Variants in ADCYAP1R1 observed in about 807,000 individuals in gnomAD.
ADCYAP1R1 encodes ADCYAP receptor type I, also known as pituitary adenylate cyclase-activating polypeptide type I receptor.
In ADCYAP1R1, 44 loss-of-function variants were observed where a neutral mutation model predicts 67.6. That is an observed-to-expected ratio of 0.65 (90% CI 0.51 to 0.84). ADCYAP1R1 has a LOEUF of 0.84. Ranked by LOEUF, ADCYAP1R1 falls within the 40% of genes least tolerant of loss-of-function variation. The probability of loss-of-function intolerance (pLI) is 0.00; values close to 1 mark genes in which losing one functional copy is unlikely to be tolerated. For synonymous variants in ADCYAP1R1, 222 were observed against 219.6 expected (o/e 1.01, Z -0.10); for missense variants, 477 against 587.9 (o/e 0.81, Z 1.95).
At chr7:31,101,433 G>A (rs374977604) in intron 13 of ADCYAP1R1, among the ~76,000 whole-genome samples, 15 of 152,158 alleles carry the variant, frequency 9.9e-5, no homozygotes, top group African/African-American at 3.6e-4. Flanking sequence ...AGGAAGGCAG[G>A]GGCCACAGGC....
chr7:31,064,092 C>G (rs1404971274), intron 2 of ADCYAP1R1, among the ~76,000 whole-genome samples: 1 of 152,206 alleles, frequency 6.6e-6, no homozygotes, highest in East Asian at 1.9e-4. Context: ...GAACTTGAAG[C>G]CCATATCTGC....
rs754277439 is a variant in ADCYAP1R1, at chr7:31,106,639, C to G, written c.1362C>G (p.Ser454=). Residue 454 remains serine (S), a synonymous_variant, in exon 16 of 16, where the codon TCC becomes TCG. Transcript: ENST00000304166. The stretch of plus-strand genomic sequence containing the variant: ...TCTCCATCCTGAGCAAGAGCAGCTC[C>G]CAAATCCGCATGTCTGGCCTCCCTG... ...TQLSILSKSS[S]QIRMSGLPAD... The G allele has an allele frequency of 6.4e-5, 103 of 1,613,116 alleles. No individual in the cohort carries two copies. Among genetic ancestry groups the G allele is most frequent in the Non-Finnish European group, 8.6e-5 (101 of 1,179,464 alleles).
rs201161759 is a variant in ADCYAP1R1 at position 31,084,763 on chromosome 7, C to T, written c.465C>T (p.Ala155=). 58 of 1,614,064 alleles carry T rather than the reference C, an allele frequency of 3.6e-5. No individual in the cohort carries two copies. In the East Asian group the frequency reaches 8.2e-4, roughly 23 times the overall value. ...ATTATTACTACCTGTCAGTGAAGGC[C>T]CTCTACACGGTTGGCTACAGCACAT... is the stretch of plus-strand genomic sequence containing the variant. ...DQDYYYLSVK[A]LYTVGYSTSL... is the part of the protein sequence containing the mutation. Residue 155 remains alanine (A), a synonymous_variant, in exon 8 of 16, where the codon GCC becomes GCT. Coordinates refer to ENST00000304166, the MANE Select transcript of ADCYAP1R1 (RefSeq NM_001118.5).
intron 3 of ADCYAP1R1, among the ~76,000 whole-genome samples, chr7:31,076,607 A>G (rs1392734487): frequency 6.6e-6 from 1 of 152,128 alleles, no homozygotes; most frequent in Non-Finnish European, 1.5e-5. Context: ...GGGCCTCTGC[A>G]GCAATCCCGG....
chr7:31,083,197 G>T (rs758867156), intron 6 of ADCYAP1R1, among the ~76,000 whole-genome samples: 1 of 152,240 alleles, frequency 6.6e-6, no homozygotes, highest in Non-Finnish European at 1.5e-5. Context: ...AGTGTCAGGC[G>T]GGGGCCACAC....
chr7:31,070,529 G>A (rs138863066), intron 3 of ADCYAP1R1, among the ~76,000 whole-genome samples: 185 of 152,312 alleles, frequency 1.2e-3, no homozygotes, highest in African/African-American at 3.5e-3. Context: ...CAAGAGGAAG[G>A]AAGCACATCA....
chr7:31,086,919 G>A lies in ADCYAP1R1; in HGVS notation c.824-24G>A. The A allele has an allele frequency of 6.2e-7, 1 of 1,613,808 alleles. No individual in the cohort carries two copies. Among genetic ancestry groups the A allele is most frequent in the East Asian group, 2.2e-5 (1 of 44,872 alleles). ...ACATGTTGGTTTTCCTGTTCTCACGGACCTCTTTTTCTTGTTCTCCCAGGG... is the reference window on the plus strand; with the variant it reads ...ACATGTTGGTTTTCCTGTTCTCACGAACCTCTTTTTCTTGTTCTCCCAGGG... On this transcript the variant is annotated intron_variant, in intron 10 of 15. Coordinates refer to ENST00000304166, the MANE Select transcript of ADCYAP1R1 (RefSeq NM_001118.5). The surrounding 1 kb of genome is among the most constrained non-coding windows in gnomAD (Gnocchi z 5.0).
At chr7:31,056,788 C>A (rs1032168006) in intron 1 of ADCYAP1R1, 20 of 152,284 alleles carry the variant, frequency 1.3e-4, no homozygotes, top group African/African-American at 1.4e-4. Flanking sequence ...CATTGCCCCA[C>A]CCCTGTCTGG....
intron 4 of ADCYAP1R1, 80 bp from the exon 5 acceptor site, chr7:31,080,533 C>A (rs1490486717): frequency 6.9e-7 from 1 of 1,446,244 alleles, no homozygotes; most frequent in Admixed American, 1.8e-5. Flanking sequence ...TCAGCAAGAC[C>A]CAAGGAGAGC....
chr7:31,053,332 G>A (rs1355611893), intron 1 of ADCYAP1R1, among the ~76,000 whole-genome samples: 1 of 152,256 alleles, frequency 6.6e-6, no homozygotes, highest in East Asian at 1.9e-4. Context: ...CAGAAGAAAC[G>A]CCCTGCGGGG....
At chr7:31,105,601 A>G (rs767800470) in intron 15 of ADCYAP1R1, among the ~76,000 whole-genome samples, 13 of 152,200 alleles carry the variant, frequency 8.5e-5, no homozygotes, top group Non-Finnish European at 1.6e-4. Flanking sequence ...TCTTTGCACC[A>G]GTGCTTGGGT....
chr7:31,079,766 C>T (rs1025302298), intron 4 of ADCYAP1R1, among the ~76,000 whole-genome samples: 7 of 152,134 alleles, frequency 4.6e-5, no homozygotes, highest in African/African-American at 1.4e-4. Context: ...GACCACCGGC[C>T]GGCCCGGGAG....
At chr7:31,081,624 G>A in intron 5 of ADCYAP1R1, 89 bp from the exon 6 acceptor site, 1 of 1,064,300 alleles carries the variant, frequency 9.4e-7, no homozygotes, top group Non-Finnish European at 1.4e-6. Context: ...TGTAGACCAG[G>A]GGTAGCCTGA....
chr7:31,098,523 G>A (rs1232386641), intron 13 of ADCYAP1R1, among the ~76,000 whole-genome samples: 1 of 152,136 alleles, frequency 6.6e-6, no homozygotes, highest in African/African-American at 2.4e-5. Flanking sequence ...AAGCTCTCAG[G>A]TGGTGTTGGT....
chr7:31,067,886 A>G (rs1464214601), intron 3 of ADCYAP1R1, among the ~76,000 whole-genome samples: 2 of 152,248 alleles, frequency 1.3e-5, no homozygotes, highest in African/African-American at 4.8e-5. Flanking sequence ...AGGAGCTGTC[A>G]TCTTGGAGTG....
chr7:31,067,684 AC>A (rs370310739), intron 3 of ADCYAP1R1, among the ~76,000 whole-genome samples: 3 of 151,460 alleles, frequency 2.0e-5, no homozygotes, highest in Non-Finnish European at 4.4e-5. Flanking sequence ...GGGTCCCAGC[AC>A]CCCCCCGGGC....
chr7:31,074,283 T>A (rs188658192), intron 3 of ADCYAP1R1, among the ~76,000 whole-genome samples: 5 of 152,300 alleles, frequency 3.3e-5, no homozygotes, highest in Non-Finnish European at 7.4e-5. Context: ...AGTAGAGACC[T>A]GCCGTTTCCC....
chr7:31,053,086 G>A (rs1347984445), intron 1 of ADCYAP1R1, among the ~76,000 whole-genome samples: 1 of 152,234 alleles, frequency 6.6e-6, no homozygotes, highest in Non-Finnish European at 1.5e-5. Flanking sequence ...TTAGGTGGAC[G>A]GACGCACCTA....
chr7:31,093,754 G>A (rs1026762866), intron 13 of ADCYAP1R1, among the ~76,000 whole-genome samples: 5 of 152,046 alleles, frequency 3.3e-5, no homozygotes, highest in African/African-American at 1.2e-4. Context: ...TGCCTCATTG[G>A]GTCCATGGTC....
Sources: allele counts gnomAD v4.1 joint callset (sites outside exome capture counted in the v4.1 genomes callset), GRCh38; gene constraint gnomAD v4.1.1; non-coding constraint Gnocchi (gnomAD v3.1); transcripts MANE v1.5; gene names NCBI Gene and HGNC (gene_info 2026-07-23, HGNC 2026-07-21).